The following TEK variants were observed in gnomAD, a reference collection of about 807,000 sequenced individuals.
TEK encodes the protein angiopoietin-1 receptor.
In TEK, 43 loss-of-function variants were observed where a neutral mutation model predicts 131.8. That is an observed-to-expected ratio of 0.33 (90% CI 0.26 to 0.42). The LOEUF is 0.42. TEK is among the 10% of genes least tolerant of loss of function. The pLI is 1.00. For missense variants in TEK, 1,162 were observed against 1,384.4 expected (o/e 0.84, Z 2.55); for synonymous variants, 580 against 491.6 (o/e 1.18, Z -2.38).
intron 1 of TEK, among the ~76,000 whole-genome samples, chr9:27,115,756 G>A (rs1821531147): frequency 6.6e-6 from 1 of 152,122 alleles, no homozygotes; most frequent in Admixed American, 6.6e-5. Context: ...AGGACATAGA[G>A]GGAGCAACCT....
In TEK at chr9:27,206,824, C is replaced by T. The variant is rs75966213; in HGVS notation, c.2575+32C>T. 9.2e-4 allele frequency: 1,473 copies of T among 1,605,280 alleles called. 12 individuals are homozygous for T. The African/African-American group carries it at 0.017, about 19-fold the overall frequency. ...GGTTGACCAGATAGAGTCAGCATTGCGTGAGGGTGTGGAGAAAACTTGATT... is the reference window on the plus strand; with the variant it reads ...GGTTGACCAGATAGAGTCAGCATTGTGTGAGGGTGTGGAGAAAACTTGATT... On this transcript the variant is annotated intron_variant, in intron 15 of 22. Coordinates refer to ENST00000380036, the MANE Select transcript of TEK (RefSeq NM_000459.5).
At chr9:27,172,579 G>C (rs370982135) in intron 4 of TEK, 37 bp from the exon 5 acceptor site, 1 of 1,611,680 alleles carries the variant, frequency 6.2e-7, no homozygotes, top group South Asian at 1.1e-5. Flanking sequence ...GAGCGAATGC[G>C]CTCTACTCAC....
At chr9:27,131,572 C>T (rs1822223410) in intron 1 of TEK, among the ~76,000 whole-genome samples, 2 of 151,324 alleles carry the variant, frequency 1.3e-5, no homozygotes, top group African/African-American at 4.9e-5. Flanking sequence ...CCTGTAATCC[C>T]CGCATGTTGG....
At chr9:27,201,338 G>T (rs1244442760) in intron 12 of TEK, among the ~76,000 whole-genome samples, 1 of 152,086 alleles carries the variant, frequency 6.6e-6, no homozygotes. Flanking sequence ...GCTGCTTTTT[G>T]TGACAGGCTT....
intron 1 of TEK, among the ~76,000 whole-genome samples, chr9:27,142,643 G>A (rs1317607832): frequency 6.6e-6 from 1 of 152,246 alleles, no homozygotes; most frequent in Admixed American, 6.5e-5. Flanking sequence ...TTTCTACTGG[G>A]ATGATCAAAG....
At chr9:27,118,691 A>G (rs544110795) in intron 1 of TEK, among the ~76,000 whole-genome samples, 10 of 152,312 alleles carry the variant, frequency 6.6e-5, no homozygotes, top group African/African-American at 2.2e-4. Context: ...CTAACATTTC[A>G]AACTTTCAAG....
chr9:27,175,585 C>G (rs1824137944), intron 6 of TEK, among the ~76,000 whole-genome samples: 1 of 152,006 alleles, frequency 6.6e-6, no homozygotes. Context: ...AATGGTTGAA[C>G]TAGTTTTCAG....
intron 6 of TEK, among the ~76,000 whole-genome samples, chr9:27,176,992 A>C (rs181470623): frequency 1.3e-5 from 2 of 152,188 alleles, no homozygotes; most frequent in Non-Finnish European, 2.9e-5. Context: ...CTCCAGGTTC[A>C]TCCGTGTTGT....
chr9:27,219,359 C>T (rs941210291), intron 20 of TEK, among the ~76,000 whole-genome samples: 4 of 152,174 alleles, frequency 2.6e-5, no homozygotes, highest in African/African-American at 9.6e-5. Flanking sequence ...AAGCTAGAAA[C>T]CATCATCCTC....
chr9:27,165,853 G>T (rs188685609), intron 2 of TEK, among the ~76,000 whole-genome samples: 4 of 152,324 alleles, frequency 2.6e-5, no homozygotes, highest in Admixed American at 1.3e-4. Flanking sequence ...ACCACCAGGG[G>T]AGTCTGTGCA....
intron 9 of TEK, 88 bp from the exon 10 acceptor site, chr9:27,190,441 A>C (rs975318678): frequency 1.3e-6 from 2 of 1,519,298 alleles, no homozygotes; most frequent in East Asian, 4.5e-5. Flanking sequence ...TTTGTTGGAC[A>C]TGTAAAACAT....
intron 15 of TEK, among the ~76,000 whole-genome samples, chr9:27,207,826 G>A (rs1378415151): frequency 6.6e-6 from 1 of 152,032 alleles, no homozygotes; most frequent in Non-Finnish European, 1.5e-5. Context: ...TTTCTGCATT[G>A]TTAGGAAGAC....
chr9:27,117,710 A>G (rs1232734606), intron 1 of TEK, among the ~76,000 whole-genome samples: 1 of 152,226 alleles, frequency 6.6e-6, no homozygotes. Flanking sequence ...TGGACTAGCC[A>G]AAGAAGCCAG....
chr9:27,223,992 A>G (rs1281097226), intron 21 of TEK, among the ~76,000 whole-genome samples: 1 of 152,244 alleles, frequency 6.6e-6, no homozygotes, highest in Non-Finnish European at 1.5e-5. Context: ...CCTCTACGCA[A>G]ATAAACTAGA....
chr9:27,138,004 GA>G (rs1243672274), intron 1 of TEK, among the ~76,000 whole-genome samples: 1 of 152,128 alleles, frequency 6.6e-6, no homozygotes, highest in Non-Finnish European at 1.5e-5. Context: ...CTTCAGGAGT[GA>G]AGCCGCAAAC....
chr9:27,226,936 A>C (rs1826355975), intron 21 of TEK, among the ~76,000 whole-genome samples: 2 of 152,144 alleles, frequency 1.3e-5, no homozygotes, highest in South Asian at 4.2e-4. Flanking sequence ...GCTACTTCTA[A>C]GAGTGAAGGA....
Position 27,212,953 on chromosome 9 carries a change from C to G in TEK, c.2877+56C>G. 3 of 1,580,368 alleles carry G rather than the reference C, an allele frequency of 1.9e-6. No homozygotes were observed. The South Asian group carries it at 3.4e-5, about 18-fold the overall frequency. On this transcript the variant is annotated intron_variant, in intron 17 of 22. Coordinates refer to ENST00000380036, the MANE Select transcript of TEK (RefSeq NM_000459.5). ...TTTCCTGTGGAGTTCCCTCTAAAGT[C>G]AGTTTCAATATGTTTGTAGGGTCTG...
chr9:27,155,003 C>T (rs1454507276), intron 1 of TEK, among the ~76,000 whole-genome samples: 1 of 152,202 alleles, frequency 6.6e-6, no homozygotes. Context: ...TAAACCACGG[C>T]CACTGCCACC....
chr9:27,139,129 C>A (rs111781577), intron 1 of TEK, among the ~76,000 whole-genome samples: 21,853 of 144,240 alleles, frequency 0.15, 2,551 homozygotes, highest in African/African-American at 0.33. Flanking sequence ...AGGAGAATGG[C>A]GTGAACCTGG....
Sources: gnomAD v4.1 joint callset for allele counts (sites outside exome capture counted in the v4.1 genomes callset) on GRCh38, gnomAD v4.1.1 for gene constraint, MANE v1.5 for transcripts, NCBI Gene and HGNC (gene_info 2026-07-23, HGNC 2026-07-21) for gene names.